ZNF121: variants seen among roughly 807,000 people sequenced by gnomAD.
ZNF121 encodes the protein zinc finger protein 121.
ZNF121 carries 1 observed loss-of-function variant against 2.4 expected under a neutral mutation model. The ratio of observed to expected loss-of-function variants is 0.41; its 90% CI spans 0.15 to 1.94. The LOEUF is 1.94. Among genes scored for constraint, ZNF121 ranks in the 30% most tolerant of loss-of-function variants. ZNF121 has a pLI of 0.30. For synonymous variants in ZNF121, 173 were observed against 158.6 expected (o/e 1.09, Z -0.68); for missense variants, 369 against 466.3 (o/e 0.79, Z 1.92).
Position 9,566,682 on chromosome 19 carries a change from T to G in ZNF121, c.431A>C (p.Tyr144Ser). ...SVKMHTVEKP[Y>S]ECKECGKFFR... ...GAATTTTCCACATTCCTTACATTCG[T>G]AGGGTTTTTCTACAGTATGCATTTT... Residue 144 changes from tyrosine to serine, a missense_variant, in exon 4 of 4, where the codon TAC (tyrosine) becomes TCC (serine). This residue lies in a region of ZNF121 where 68 missense variants were observed against 105.5 expected (regional missense o/e 0.64). Coordinates refer to ENST00000320451, the MANE Select transcript of ZNF121 (RefSeq NM_001008727.5). The G allele has an allele frequency of 6.2e-7, 1 of 1,614,194 alleles. No individual in the cohort carries two copies. The highest frequency in any genetic ancestry group is 2.2e-5 in the East Asian group (1 of 44,884).
At chr19:9,582,608 C>A (rs954168108) in intron 1 of ZNF121, among the ~76,000 whole-genome samples, 2 of 152,076 alleles carry the variant, frequency 1.3e-5, no homozygotes, top group Admixed American at 1.3e-4. Flanking sequence ...TCATACAAAG[C>A]CTGTTTGGTG....
chr19:9,578,841 A>G (rs566997198), intron 1 of ZNF121, among the ~76,000 whole-genome samples: 2 of 152,310 alleles, frequency 1.3e-5, no homozygotes, highest in East Asian at 3.9e-4. Context: ...ATATGAGATT[A>G]CATCAAACTA....
At chr19:9,579,505 C>T (rs1463964237) in intron 1 of ZNF121, among the ~76,000 whole-genome samples, 2 of 152,066 alleles carry the variant, frequency 1.3e-5, no homozygotes. Context: ...GCCAACATGG[C>T]GAAACTCCAT....
chr19:9,567,393 T>C (rs2074141398), intron 3 of ZNF121, among the ~76,000 whole-genome samples: 2 of 152,156 alleles, frequency 1.3e-5, no homozygotes, highest in Admixed American at 1.3e-4. Flanking sequence ...GTGAGAATGC[T>C]GAAGCACCAA....
In ZNF121 at chr19:9,566,922, A is replaced by G. The variant is rs1345990266; in HGVS notation, c.191T>C (p.Leu64Ser). The G allele has an allele frequency of 6.2e-7, 1 of 1,614,210 alleles. No homozygotes were observed. The highest frequency in any genetic ancestry group is 8.5e-7 in the Non-Finnish European group (1 of 1,180,026). ...SAPAGETLSV[L>S]NQCRKAFSLP... ...GCTGAAGGCTTTTCTGCACTGATTC[A>G]ACACAGAAAGTGTCTCTCCAGCAGG... is the stretch of plus-strand genomic sequence containing the variant. The change falls in exon 4 of 4, where the codon TTG (leucine) becomes TCG (serine). Residue 64 changes from leucine to serine, a missense_variant. By Grantham distance (145) the Leu-to-Ser change is moderately radical. Coordinates refer to ENST00000320451, the MANE Select transcript of ZNF121 (RefSeq NM_001008727.5).
chr19:9,581,561 A>AG (rs919849715), intron 1 of ZNF121, among the ~76,000 whole-genome samples: 142 of 152,188 alleles, frequency 9.3e-4, no homozygotes, highest in African/African-American at 2.8e-3. Context: ...AAGGAGAAAA[A>AG]GGGGGGGTAC....
At chr19:9,568,800 A>G (rs968751928) in intron 2 of ZNF121, among the ~76,000 whole-genome samples, 1 of 152,228 alleles carries the variant, frequency 6.6e-6, no homozygotes, top group Middle Eastern at 3.2e-3. Flanking sequence ...AAACAAAAAG[A>G]TAAAAGAGCA....
At chr19:9,576,315 G>A (rs1392927813) in intron 1 of ZNF121, among the ~76,000 whole-genome samples, 1 of 148,204 alleles carries the variant, frequency 6.7e-6, no homozygotes, top group East Asian at 2.0e-4. Flanking sequence ...GCAACACAAG[G>A]AGACCCTGTC....
In ZNF121 at chr19:9,562,930, G is replaced by A. The variant is rs1229945603; in HGVS notation, c.*3010C>T. On this transcript the variant is annotated 3_prime_UTR_variant, in exon 4 of 4. Transcript: ENST00000320451. ...AAAAAAAAATTAGCTGGCCATGGTGGTGCACACCTGCAGTCTTTAGCTACT... is the reference window on the plus strand; with the variant it reads ...AAAAAAAAATTAGCTGGCCATGGTGATGCACACCTGCAGTCTTTAGCTACT... 2 of 149,130 alleles carry A rather than the reference G, an allele frequency of 1.3e-5. No homozygotes were observed. The highest frequency in any genetic ancestry group is 3.0e-5 in the Non-Finnish European group (2 of 67,544). The allele number at this position is 149,130 out of a possible 1,614,324, so 9.2% of individuals were successfully genotyped here. A position where few individuals can be genotyped will look rare whatever the true frequency, so the allele number is the denominator to read the frequency against.
intron 1 of ZNF121, among the ~76,000 whole-genome samples, chr19:9,580,378 G>T (rs577771107): frequency 9.9e-5 from 15 of 151,414 alleles, no homozygotes; most frequent in African/African-American, 3.4e-4. Flanking sequence ...TTCCCTGCAA[G>T]ATGTCCCTCC....
At chr19:9,569,917 T>A (rs2144810333) in intron 1 of ZNF121, among the ~76,000 whole-genome samples, 1 of 147,742 alleles carries the variant, frequency 6.8e-6, no homozygotes, top group African/African-American at 2.5e-5. Context: ...ATATCATGGG[T>A]AGTATTACAT....
At chr19:9,569,970 T>C (rs943877054) in intron 1 of ZNF121, among the ~76,000 whole-genome samples, 1 of 151,484 alleles carries the variant, frequency 6.6e-6, no homozygotes, top group Non-Finnish European at 1.5e-5. Context: ...AGATTTTTGC[T>C]CTGTCCCCCA....
chr19:9,575,558 C>T (rs1599740370), intron 1 of ZNF121, among the ~76,000 whole-genome samples: 1 of 152,220 alleles, frequency 6.6e-6, no homozygotes, highest in Non-Finnish European at 1.5e-5. Context: ...GCCTGGCCAA[C>T]ATGGCAAAAC....
In ZNF121 at chr19:9,564,324, CTGG is replaced by C. The variant is rs1269776534; in HGVS notation, c.*1613_*1615del. The stretch of plus-strand genomic sequence containing the variant: ...AAGGCTACAGTGTGCTCTCATCGTG[CTGG>C]TGAATACCCACTTGTACTCCAGCAT... On this transcript the variant is annotated 3_prime_UTR_variant, in exon 4 of 4. Coordinates refer to ENST00000320451, the MANE Select transcript of ZNF121 (RefSeq NM_001008727.5). The C allele has an allele frequency of 2.0e-5, 3 of 152,072 alleles. No individual in the cohort carries two copies. In the East Asian group the frequency reaches 5.8e-4, roughly 29 times the overall value. The allele number at this position is 152,072 out of a possible 1,614,324, so 9.4% of individuals were successfully genotyped here.
intron 1 of ZNF121, among the ~76,000 whole-genome samples, chr19:9,577,528 C>T (rs1007045556): frequency 6.6e-6 from 1 of 151,598 alleles, no homozygotes; most frequent in South Asian, 2.1e-4. Flanking sequence ...CTATAAAACA[C>T]TGATGAAACA....
rs2074110332 is a variant in ZNF121 at position 9,563,071 on chromosome 19, A to C, written c.*2869T>G. 6.6e-6 allele frequency: 1 copy of C among 151,256 alleles called. No homozygotes were observed. Among genetic ancestry groups the C allele is most frequent in the Non-Finnish European group, 1.5e-5 (1 of 67,844 alleles). The allele number at this position is 151,256 out of a possible 1,614,324, so 9.4% of individuals were successfully genotyped here. A position where few individuals can be genotyped will look rare whatever the true frequency, so the allele number is the denominator to read the frequency against. ...ATGTCTCAAAAAAAAAAAAAAAAAAAAAACTGGGATAGGCCAAAATCTAGG... is the reference window on the plus strand; with the variant it reads ...ATGTCTCAAAAAAAAAAAAAAAAAACAAACTGGGATAGGCCAAAATCTAGG... On this transcript the variant is annotated 3_prime_UTR_variant, in exon 4 of 4. Transcript: ENST00000320451.
At chr19:9,567,957 T>A (rs954496856) in intron 3 of ZNF121, 138 bp downstream of exon 3, 1 of 938,518 alleles carries the variant, frequency 1.1e-6, no homozygotes, top group African/African-American at 1.7e-5. Context: ...ACAGTACCAG[T>A]GGGGACCCTT....
Position 9,566,898 on chromosome 19 carries a change from C to A in ZNF121, c.215G>T (p.Ser72Ile), listed in dbSNP as rs962728443. 6.2e-7 allele frequency: 1 copy of A among 1,614,200 alleles called. No individual in the cohort carries two copies. The highest frequency in any genetic ancestry group is 8.5e-7 in the Non-Finnish European group (1 of 1,180,038). ...TCTCTGGTGAACATTTGGTGGCAGG[C>A]TGAAGGCTTTTCTGCACTGATTCAA... ...SVLNQCRKAF[S>I]LPPNVHQRTW... Residue 72 changes from serine (S) to isoleucine (I), a missense_variant, in exon 4 of 4, where the codon AGC becomes ATC. By Grantham distance (142) the Ser-to-Ile change is moderately radical. This residue lies in a region of ZNF121 where 168 missense variants were observed against 162.3 expected (regional missense o/e 1.03). Coordinates refer to ENST00000320451, the MANE Select transcript of ZNF121 (RefSeq NM_001008727.5).
rs749638689 is a variant in ZNF121, at chr19:9,568,075, A to G, written c.3+20T>C. 18 of 1,543,216 alleles carry G rather than the reference A, an allele frequency of 1.2e-5. No homozygotes were observed. The highest frequency in any genetic ancestry group is 1.8e-5 in the Admixed American group (1 of 54,496). On this transcript the variant is annotated intron_variant, in intron 3 of 3. Coordinates refer to ENST00000320451, the MANE Select transcript of ZNF121 (RefSeq NM_001008727.5). ...CCCAATCTTTTTTTGAGTGTGGTAAATAAGAAATCTTAATCTTACCATTTG... is the reference window on the plus strand; with the variant it reads ...CCCAATCTTTTTTTGAGTGTGGTAAGTAAGAAATCTTAATCTTACCATTTG...
Sources: allele counts gnomAD v4.1 joint callset (sites outside exome capture counted in the v4.1 genomes callset), GRCh38; gene constraint gnomAD v4.1.1; regional missense constraint gnomAD v4.1.1; transcripts MANE v1.5; gene names NCBI Gene and HGNC (gene_info 2026-07-23, HGNC 2026-07-21).